COL6A5: variants seen among roughly 807,000 people sequenced by gnomAD.
COL6A5 encodes collagen alpha-5(VI) chain.
COL6A5 carries 48 observed loss-of-function variants against 65.6 expected under a neutral mutation model. That is an observed-to-expected ratio of 0.73 (90% CI 0.58 to 0.93). The LOEUF (loss-of-function observed/expected upper bound fraction) is 0.93. COL6A5 is among the 40% of genes least tolerant of loss of function. COL6A5 has a pLI of 0.00. For missense variants in COL6A5, 914 were observed against 928.3 expected, an observed-to-expected ratio of 0.98 and a Z score of 0.20; for synonymous variants, 291 against 322.8, an observed-to-expected ratio of 0.90 and a Z score of 1.05.
chr3:130,365,569 G>A (rs930714696), intron 1 of COL6A5, among the ~76,000 whole-genome samples: 6 of 152,150 alleles, frequency 3.9e-5, no homozygotes, highest in Admixed American at 6.5e-5. Context: ...GAGCCACCGC[G>A]CCTGGCCTAA....
intron 5 of COL6A5, among the ~76,000 whole-genome samples, chr3:130,463,848 T>C (rs558340327): frequency 1.3e-5 from 2 of 152,062 alleles, no homozygotes; most frequent in Admixed American, 1.3e-4. Flanking sequence ...TTGACTAAAT[T>C]TTAGAGTTTT....
chr3:130,456,816 C>G (rs1357408805), intron 5 of COL6A5, among the ~76,000 whole-genome samples: 2 of 151,952 alleles, frequency 1.3e-5, no homozygotes, highest in African/African-American at 2.4e-5. Flanking sequence ...TTAGTAGCTT[C>G]CTGGGATAAA....
chr3:130,431,402 G>C (rs1046305048), upstream of COL6A5: 1 of 1,527,686 alleles, frequency 6.5e-7, no homozygotes, highest in Non-Finnish European at 8.8e-7. Context: ...TTGGAGTAAA[G>C]AGTTGGGGAA....
At position 130,349,157 on chromosome 3, in the gene COL6A5, T is replaced by C. The variant is rs529268267; in HGVS notation, c.-29+3176T>C. 6.6e-5 allele frequency among the ~76,000 whole-genome samples: 10 copies of C among 152,360 alleles called. No homozygotes were observed. The East Asian group carries it at 1.9e-3, about 29-fold the overall frequency. On this transcript the variant is annotated intron_variant and NMD_transcript_variant, in intron 1 of 41. Transcript: ENST00000312481. ...AGGCCAATGTAACGTTCCACATTAT[T>C]CGATTGTCCCAGGTGACACCTCAAA...
At chr3:130,471,306 A>T (rs1709947830) in intron 7 of COL6A5, among the ~76,000 whole-genome samples, 1 of 152,100 alleles carries the variant, frequency 6.6e-6, no homozygotes, top group Admixed American at 6.6e-5. Flanking sequence ...GATTCCATGT[A>T]ACAATTTTAG....
At chr3:130,391,942 C>G (rs1313954465) in intron 7 of COL6A5, among the ~76,000 whole-genome samples, 188 bp downstream of exon 7, 1 of 152,118 alleles carries the variant, frequency 6.6e-6, no homozygotes, top group East Asian at 1.9e-4. Flanking sequence ...TCCTTCTCAC[C>G]ACAGCATGCA....
chr3:130,362,312 ATATATATATATATATTTTTTTTTTTT>A (rs1935155636), intron 1 of COL6A5, among the ~76,000 whole-genome samples: 1 of 13,852 alleles, frequency 7.2e-5, no homozygotes, highest in African/African-American at 2.8e-4. Flanking sequence ...ATATATATAT[ATATATATATATATATTTTTTTTTTTT>A]TTTTTTTTTG....
chr3:130,406,464 G>A, intron 17 of COL6A5, 143 bp downstream of exon 17: 2 of 655,186 alleles, frequency 3.1e-6, no homozygotes, highest in Non-Finnish European at 5.3e-6. Flanking sequence ...CTGAATGTAT[G>A]CTGCATATCT....
intron 7 of COL6A5, among the ~76,000 whole-genome samples, chr3:130,482,675 G>T (rs1206256530): frequency 6.6e-6 from 1 of 152,120 alleles, no homozygotes; most frequent in African/African-American, 2.4e-5. Flanking sequence ...TCCTATCCCT[G>T]AGCATGCAAT....
chr3:130,447,088 T>G (rs1709324141), intron 4 of COL6A5, among the ~76,000 whole-genome samples: 1 of 152,140 alleles, frequency 6.6e-6, no homozygotes, highest in African/African-American at 2.4e-5. Context: ...TCCCCACTGT[T>G]GCATAAATGA....
chr3:130,423,250 G>A (rs1257475502), intron 28 of COL6A5, among the ~76,000 whole-genome samples: 1 of 152,012 alleles, frequency 6.6e-6, no homozygotes, highest in Non-Finnish European at 1.5e-5. Context: ...CTTCTAATTA[G>A]CAAAGTGCAA....
intron 7 of COL6A5, among the ~76,000 whole-genome samples, chr3:130,392,180 CT>C (rs1271400193): frequency 6.6e-6 from 1 of 152,156 alleles, no homozygotes; most frequent in East Asian, 1.9e-4. Flanking sequence ...AGACTTTTGC[CT>C]TCAAAGATCC....
intron 1 of COL6A5, among the ~76,000 whole-genome samples, chr3:130,364,603 A>T (rs1192731220): frequency 1.3e-5 from 2 of 152,234 alleles, no homozygotes; most frequent in Non-Finnish European, 2.9e-5. Context: ...AGGCGGGTCT[A>T]GTTCTGAAGT....
intron 1 of COL6A5, among the ~76,000 whole-genome samples, chr3:130,361,755 T>C (rs140399559): frequency 6.6e-6 from 1 of 152,120 alleles, no homozygotes; most frequent in African/African-American, 2.4e-5. Context: ...TGTCAGTGTT[T>C]TGGATTTTCA....
At chr3:130,362,306 ATATATATATATATATATATAT>A (rs1935148364) in intron 1 of COL6A5, among the ~76,000 whole-genome samples, 3 of 19,574 alleles carry the variant, frequency 1.5e-4, no homozygotes, top group Non-Finnish European at 8.2e-4. Context: ...ATATATATAT[ATATATATATATATATATATAT>A]TTTTTTTTTT....
At chr3:130,372,186 G>T (rs1186544952) in intron 1 of COL6A5, among the ~76,000 whole-genome samples, 4 of 152,100 alleles carry the variant, frequency 2.6e-5, no homozygotes, top group African/African-American at 9.7e-5. Context: ...GCAATGTGGA[G>T]AAGTTGGGAC....
chr3:130,394,864 ATAATT>A, intron 7 of COL6A5, 21 bp from the exon 8 acceptor site: 3 of 1,516,018 alleles, frequency 2.0e-6, no homozygotes, highest in African/African-American at 1.4e-5. Flanking sequence ...CATGAGGAAA[ATAATT>A]TATTCTTTTT....
chr3:130,381,593 C>G (rs1419810911), intron 4 of COL6A5, among the ~76,000 whole-genome samples: 1 of 151,984 alleles, frequency 6.6e-6, no homozygotes, highest in African/African-American at 2.4e-5. Context: ...TTACTGAGCT[C>G]TTTTCAAAGG....
At chr3:130,442,062 C>A (rs1474536201) in intron 3 of COL6A5, among the ~76,000 whole-genome samples, 1 of 152,128 alleles carries the variant, frequency 6.6e-6, no homozygotes, top group Non-Finnish European at 1.5e-5. Context: ...GATTCATATT[C>A]AATTAAAGAA....
Sources: allele counts gnomAD v4.1 joint callset (sites outside exome capture counted in the v4.1 genomes callset), GRCh38; gene constraint gnomAD v4.1.1; transcripts MANE v1.5; gene names NCBI Gene and HGNC (gene_info 2026-07-23, HGNC 2026-07-21).